The following COG5 variants were observed in gnomAD, a reference collection of about 807,000 sequenced individuals.
COG5 encodes the protein conserved oligomeric Golgi complex subunit 5.
Under a neutral mutation model 110.4 loss-of-function variants are expected in COG5, and 86 were observed. That is an observed-to-expected ratio of 0.78 (90% CI 0.65 to 0.93). The LOEUF is 0.93. COG5 is among the 40% of genes least tolerant of loss of function. The probability of loss-of-function intolerance (pLI) is 0.00; values close to 1 mark genes in which losing one functional copy is unlikely to be tolerated. For missense variants in COG5, 1,077 were observed against 987.0 expected, an observed-to-expected ratio of 1.09 and a Z score of -1.22; for synonymous variants, 360 against 334.6, an observed-to-expected ratio of 1.08 and a Z score of -0.83.
chr7:107,504,353 G>A (rs1378518002), intron 6 of COG5, among the ~76,000 whole-genome samples: 1 of 151,986 alleles, frequency 6.6e-6, no homozygotes, highest in Non-Finnish European at 1.5e-5. Flanking sequence ...AAAACCCCTC[G>A]ATCACCATGC....
chr7:107,314,606 C>T (rs1194065799), intron 11 of COG5, among the ~76,000 whole-genome samples: 1 of 140,410 alleles, frequency 7.1e-6, no homozygotes, highest in African/African-American at 2.8e-5. Flanking sequence ...AAAAAAAAGC[C>T]AGGCATGGTG....
At chr7:107,409,169 A>C (rs1191815396) in intron 7 of COG5, among the ~76,000 whole-genome samples, 1 of 151,514 alleles carries the variant, frequency 6.6e-6, no homozygotes, top group Non-Finnish European at 1.5e-5. Context: ...AGAGAGCACA[A>C]AGATTAAGGA....
chr7:107,483,693 G>C (rs1343198867), intron 6 of COG5, among the ~76,000 whole-genome samples: 1 of 147,160 alleles, frequency 6.8e-6, no homozygotes, highest in Non-Finnish European at 1.5e-5. Context: ...GGCAACAAGA[G>C]CAAAACTGCA....
At chr7:107,263,076 G>A (rs1803499917) in intron 14 of COG5, among the ~76,000 whole-genome samples, 1 of 152,164 alleles carries the variant, frequency 6.6e-6, no homozygotes, top group Non-Finnish European at 1.5e-5. Flanking sequence ...ATTTAGGAAT[G>A]AGAACAAAAC....
intron 7 of COG5, among the ~76,000 whole-genome samples, chr7:107,384,094 G>A (rs1322407243): frequency 6.6e-6 from 1 of 152,092 alleles, no homozygotes; most frequent in Non-Finnish European, 1.5e-5. Context: ...CTAATAAGAT[G>A]GTTTGTCTGT....
rs76569304 is a variant in COG5 at position 107,305,505 on chromosome 7, T to C, written c.1109-7159A>G. On this transcript the variant is annotated intron_variant, in intron 11 of 21. Coordinates refer to ENST00000297135, the MANE Select transcript of COG5 (RefSeq NM_006348.5). ...GTCATGTAACAACTTGCCATAAACA[T>C]TAACTGCTTATTTTAAAAACATACA... 3.0e-3 allele frequency among the ~76,000 whole-genome samples: 464 copies of C among 152,288 alleles called. 4 individuals are homozygous for C. Among genetic ancestry groups the C allele is most frequent in the Non-Finnish European group, 5.0e-3 (341 of 68,004 alleles).
chr7:107,202,169 CATTGT>C lies in COG5; in HGVS notation c.*1342_*1346del, dbSNP rs1396808582. ...GGTGCTATTAACAAACAGTCAACAC[CATTGT>C]ATTTTTTAACTTCGTGTTCTGTATC... On this transcript the variant is annotated 3_prime_UTR_variant, in exon 22 of 22. Transcript: ENST00000297135. 1.3e-5 allele frequency: 2 copies of C among 152,632 alleles called. No homozygotes were observed. Among genetic ancestry groups the C allele is most frequent in the Non-Finnish European group, 2.9e-5 (2 of 68,030 alleles). 9.5% of individuals were successfully genotyped at this position (152,632 alleles called of 1,614,324 possible). A position where few individuals can be genotyped will look rare whatever the true frequency, so the allele number is the denominator to read the frequency against.
intron 16 of COG5, among the ~76,000 whole-genome samples, chr7:107,252,634 G>A (rs546234772): frequency 1.3e-5 from 2 of 152,230 alleles, no homozygotes; most frequent in Non-Finnish European, 2.9e-5. Flanking sequence ...GAATATAGAT[G>A]TAAGTAAGCA....
intron 6 of COG5, among the ~76,000 whole-genome samples, chr7:107,436,073 G>A (rs1794345860): frequency 6.6e-6 from 1 of 152,178 alleles, no homozygotes; most frequent in Admixed American, 6.5e-5. Context: ...ACTCATATGT[G>A]GGAGCTAATT....
chr7:107,230,770 G>T, intron 18 of COG5, 79 bp from the exon 19 acceptor site: 2 of 1,121,034 alleles, frequency 1.8e-6, no homozygotes, highest in Non-Finnish European at 2.7e-6. Flanking sequence ...ATCACAGAAA[G>T]TTGTAGCTTG....
At chr7:107,406,529 T>C (rs1001189805) in intron 7 of COG5, among the ~76,000 whole-genome samples, 1 of 152,094 alleles carries the variant, frequency 6.6e-6, no homozygotes, top group South Asian at 2.1e-4. Flanking sequence ...AAGTCAAACT[T>C]GACAACTGGT....
intron 19 of COG5, among the ~76,000 whole-genome samples, chr7:107,217,201 C>T (rs1799593482): frequency 1.3e-5 from 2 of 151,938 alleles, no homozygotes; most frequent in South Asian, 4.1e-4. Context: ...ATAGAACAAA[C>T]AGAGAATCTG....
chr7:107,444,194 A>G (rs1342366886), intron 6 of COG5, among the ~76,000 whole-genome samples: 1 of 152,088 alleles, frequency 6.6e-6, no homozygotes, highest in Non-Finnish European at 1.5e-5. Flanking sequence ...AAGTCTCTAT[A>G]TTCTATATTA....
chr7:107,354,654 C>T (rs1456636465), intron 10 of COG5, among the ~76,000 whole-genome samples: 1 of 152,084 alleles, frequency 6.6e-6, no homozygotes, highest in African/African-American at 2.4e-5. Flanking sequence ...CTAGGCTGGG[C>T]GACAAGAGTG....
At chr7:107,255,670 A>G (rs985210498) in intron 16 of COG5, among the ~76,000 whole-genome samples, 21 of 152,136 alleles carry the variant, frequency 1.4e-4, no homozygotes, top group Non-Finnish European at 2.9e-4. Flanking sequence ...AATAGTTAAA[A>G]TTTATTACTC....
At chr7:107,490,009 T>C (rs1797888980) in intron 6 of COG5, among the ~76,000 whole-genome samples, 1 of 152,218 alleles carries the variant, frequency 6.6e-6, no homozygotes, top group Non-Finnish European at 1.5e-5. Flanking sequence ...TTATCATTAT[T>C]ATTCTGAAAT....
rs375462471 is a variant in COG5, at chr7:107,254,231, T to A, written c.1749+2501A>T. Among the ~76,000 whole-genome samples, 571 of 152,304 alleles carry A rather than the reference T, an allele frequency of 3.7e-3. 38 individuals are homozygous for A. The South Asian group carries it at 0.11, about 30-fold the overall frequency. ...ATATTTTTCAGTAAGTTAAAAAGTA[T>A]GTTTAATATCTTCTCTATGAAATAA... On this transcript the variant is annotated intron_variant, in intron 16 of 21. Transcript: ENST00000297135.
chr7:107,503,460 G>C (rs935249840), intron 6 of COG5, among the ~76,000 whole-genome samples: 1 of 152,020 alleles, frequency 6.6e-6, no homozygotes, highest in African/African-American at 2.4e-5. Context: ...TGTTCTTTTT[G>C]CTTAGGATTG....
chr7:107,325,610 C>T (rs1809697893), intron 10 of COG5, among the ~76,000 whole-genome samples: 1 of 152,156 alleles, frequency 6.6e-6, no homozygotes, highest in Non-Finnish European at 1.5e-5. Context: ...AAGATTGCGC[C>T]ACTGCACTTC....
Sources: allele counts gnomAD v4.1 joint callset (sites outside exome capture counted in the v4.1 genomes callset), GRCh38; gene constraint gnomAD v4.1.1; transcripts MANE v1.5; gene names NCBI Gene and HGNC (gene_info 2026-07-23, HGNC 2026-07-21).